Variants in XIRP1 observed in about 807,000 individuals in gnomAD.
The protein encoded by XIRP1 is xin actin binding repeat containing 1, also known as xin actin-binding repeat-containing protein 1.
For synonymous variants in XIRP1, 984 were observed against 947.0 expected (o/e 1.04, Z -0.72); for missense variants, 2,378 against 2,345.4 (o/e 1.01, Z -0.29).
Position 39,185,036 on chromosome 3 carries a change from C to T in XIRP1, c.4410G>A (p.Glu1470=), listed in dbSNP as rs1468571860. 6.6e-7 allele frequency: 1 copy of T among 1,520,866 alleles called. No homozygotes were observed. Among genetic ancestry groups the T allele is most frequent in the African/African-American group, 1.4e-5 (1 of 71,680 alleles). The allele number at this position is 1,520,866 out of a possible 1,614,324, so 94.2% of individuals were successfully genotyped here. ...GCACCTGGTTCAGGAGGCCCTGGAG[C>T]TCTTTCTGGTTTCTTTGCAGACTGT... ...SPDSLQRNQK[E]LQGLLNQVQA... The change falls in exon 2 of 2, where the codon GAG becomes GAA. Residue 1470 remains glutamate (E), a synonymous_variant. Transcript: ENST00000340369.
In XIRP1 at chr3:39,188,749, TC is replaced by T. The variant is rs2040036481; in HGVS notation, c.696del (p.Lys233SerfsTer34). ...QELKGDVKKT[V>X]KLFQTEPLCA... ...CACAGGGGCTCCGTTTGGAAGAGCT[TC>T]ACTGTCTTTTTCACATCACCCTTCA... On this transcript the variant is annotated frameshift_variant, in exon 2 of 2. Coordinates refer to ENST00000340369, the MANE Select transcript of XIRP1 (RefSeq NM_194293.4). LOFTEE classifies it low-confidence loss of function (END_TRUNC). 6.2e-7 allele frequency: 1 copy of T among 1,613,630 alleles called. No individual in the cohort carries two copies. The highest frequency in any genetic ancestry group is 1.3e-5 in the African/African-American group (1 of 74,938).
rs752120849 is a variant in XIRP1, at chr3:39,186,954, A to G, written c.2492T>C (p.Ile831Thr). 6.2e-6 allele frequency: 10 copies of G among 1,612,348 alleles called. No homozygotes were observed. Among genetic ancestry groups the G allele is most frequent in the Non-Finnish European group, 6.8e-6 (8 of 1,178,530 alleles). ...ELVSGELPRI[I>T]CQVLRRPDVD... ...ATCTGGCCGGCGCAGGACTTGGCAG[A>G]TGATCCTGGGAAGTTCACCTGACAC... Residue 831 changes from isoleucine to threonine, a missense_variant, in exon 2 of 2, where the codon ATC becomes ACC. By Grantham distance (89) the Ile-to-Thr change is moderately conservative. Coordinates refer to ENST00000340369, the MANE Select transcript of XIRP1 (RefSeq NM_194293.4).
Position 39,184,058 on chromosome 3 carries a change from G to C in XIRP1, c.5388C>G (p.Pro1796=), listed in dbSNP as rs36091974. The change falls in exon 2 of 2, where the codon CCC becomes CCG. Residue 1796 remains proline (P), a synonymous_variant. Coordinates refer to ENST00000340369, the MANE Select transcript of XIRP1 (RefSeq NM_194293.4). ...GCCCGAGGTGGGAGCCTGGGTTCCT[G>C]GGTGGCTCTGCCTGCTCGGTGACTG... ...STTVTEQAEP[P]RNPGSHLGLH... 7,077 of 1,610,722 alleles carry C rather than the reference G, an allele frequency of 4.4e-3. 270 individuals carry two copies. The African/African-American group carries it at 0.081, about 18-fold the overall frequency.
chr3:39,189,920 G>C (rs1487453090), intron 1 of XIRP1, among the ~76,000 whole-genome samples: 1 of 152,190 alleles, frequency 6.6e-6, no homozygotes, highest in Non-Finnish European at 1.5e-5. Flanking sequence ...GCCTTGGAGA[G>C]GCAGGTCTCT....
chr3:39,184,335 T>C lies in XIRP1; in HGVS notation c.5111A>G (p.Asp1704Gly), dbSNP rs375889395. 17 of 1,614,082 alleles carry C rather than the reference T, an allele frequency of 1.1e-5. No individual in the cohort carries two copies. Among genetic ancestry groups the C allele is most frequent in the Non-Finnish European group, 1.4e-5 (17 of 1,180,034 alleles). ...VSVKSTQLAQ[D>G]IGQALLHQKG... is the part of the protein sequence containing the mutation. ...CTGGTGGAGCAGGGCCTGGCCTATG[T>C]CCTGAGCCAGTTGTGTGCTTTTCAC... Residue 1704 changes from aspartate to glycine, a missense_variant, in exon 2 of 2, where the codon GAC becomes GGC. Coordinates refer to ENST00000340369, the MANE Select transcript of XIRP1 (RefSeq NM_194293.4).
At chr3:39,190,218 T>C (rs1455660900) in intron 1 of XIRP1, among the ~76,000 whole-genome samples, 1 of 152,196 alleles carries the variant, frequency 6.6e-6, no homozygotes, top group Admixed American at 6.5e-5. Context: ...AGACTGAGAA[T>C]GTCTGAGCTA....
At chr3:39,190,619 C>A (rs1422427724) in intron 1 of XIRP1, among the ~76,000 whole-genome samples, 1 of 152,044 alleles carries the variant, frequency 6.6e-6, no homozygotes, top group African/African-American at 2.4e-5. Context: ...CTCATGGCCA[C>A]CCCAGCTCAG....
chr3:39,188,543 C>G lies in XIRP1; in HGVS notation c.903G>C (p.Arg301=). The G allele has an allele frequency of 6.2e-7, 1 of 1,611,416 alleles. No individual in the cohort carries two copies. The highest frequency in any genetic ancestry group is 8.5e-7 in the Non-Finnish European group (1 of 1,177,832). The part of the protein sequence containing the change: ...IRGISLEEGA[R]PDVSATRWIF... ...TCCAGCGAGTTGCACTGACGTCGGGCCGGGCCCCCTCCTCCAGGGAAATCC... is the reference window on the plus strand; with the variant it reads ...TCCAGCGAGTTGCACTGACGTCGGGGCGGGCCCCCTCCTCCAGGGAAATCC... Residue 301 remains arginine (R), a synonymous_variant, in exon 2 of 2, where the codon CGG becomes CGC. Coordinates refer to ENST00000340369, the MANE Select transcript of XIRP1 (RefSeq NM_194293.4).
chr3:39,188,810 C>G lies in XIRP1; in HGVS notation c.636G>C (p.Gln212His), dbSNP rs1182624691. 1 of 1,613,472 alleles carries G rather than the reference C, an allele frequency of 6.2e-7. No individual in the cohort carries two copies. The highest frequency in any genetic ancestry group is 8.5e-7 in the Non-Finnish European group (1 of 1,180,042). Residue 212 changes from glutamine to histidine, a missense_variant, in exon 2 of 2, where the codon CAG becomes CAC. Physicochemically the swap from Gln to His is conservative, Grantham distance 24 (BLOSUM62 0). Coordinates refer to ENST00000340369, the MANE Select transcript of XIRP1 (RefSeq NM_194293.4). ...RLGSRPSLQE[Q>H]SPLELRSEIQ... ...TCTCTGAGCGCAGTTCCAAGGGGCT[C>G]TGCTCCTGCAGGGAGGGGCGGGAGC...
rs1253413601 is a variant in XIRP1, at chr3:39,188,488, G to A, written c.958C>T (p.Arg320Trp). 8.1e-6 allele frequency: 13 copies of A among 1,603,302 alleles called. No homozygotes were observed. The highest frequency in any genetic ancestry group is 3.4e-5 in the Admixed American group (2 of 59,652). The change falls in exon 2 of 2, where the codon CGG (arginine) becomes TGG (tryptophan). Residue 320 changes from arginine (R) to tryptophan (W), a missense_variant. Physicochemically the swap from Arg to Trp is moderately radical, Grantham distance 101. Coordinates refer to ENST00000340369, the MANE Select transcript of XIRP1 (RefSeq NM_194293.4). Reference sequence around the variant, plus strand: ...TCCTTCTCATCTACCAAGATCTCCCGGATGGCATCCAGGGGCTGTGTCTCA... The same window carrying A: ...TCCTTCTCATCTACCAAGATCTCCCAGATGGCATCCAGGGGCTGTGTCTCA... ...IFETQPLDAIREILVDEKDFQ... is the reference protein window; with the variant it reads ...IFETQPLDAIWEILVDEKDFQ...
rs1345001486 is a variant in XIRP1, at chr3:39,188,390, T to G, written c.1056A>C (p.Arg352=). 1 of 1,612,942 alleles carries G rather than the reference T, an allele frequency of 6.2e-7. No individual in the cohort carries two copies. Among genetic ancestry groups the G allele is most frequent in the Non-Finnish European group, 8.5e-7 (1 of 1,179,106 alleles). The change falls in exon 2 of 2, where the codon CGA becomes CGC. Residue 352 remains arginine, a synonymous_variant. Transcript: ENST00000340369. Reference sequence around the variant, plus strand: ...CGTCCCCCTTCAGAGTGTCCAGCGCTCGGGTCTCAAACAGATGCTGCTGCT... The same window carrying G: ...CGTCCCCCTTCAGAGTGTCCAGCGCGCGGGTCTCAAACAGATGCTGCTGCT... The part of the protein sequence containing the change: ...VQQQQHLFET[R]ALDTLKGDEE...
rs1468903268 is a variant in XIRP1 at position 39,186,839 on chromosome 3, C to G, written c.2607G>C (p.Gly869=). 1 of 1,613,678 alleles carries G rather than the reference C, an allele frequency of 6.2e-7. No homozygotes were observed. Among genetic ancestry groups the G allele is most frequent in the East Asian group, 2.2e-5 (1 of 44,856 alleles). Residue 869 remains glycine, a synonymous_variant, in exon 2 of 2, where the codon GGG becomes GGC. Coordinates refer to ENST00000340369, the MANE Select transcript of XIRP1 (RefSeq NM_194293.4). ...GCTCAGGGTCCATGTCTTCAATATT[C>G]CCACTGCTGCCTGGAGTTGGCAGCC... ...PLRLPTPGSS[G]NIEDMDPELQ...
rs2039937753 is a variant in XIRP1 at position 39,184,996 on chromosome 3, CCTT to C, written c.4447_4449del (p.Lys1483del). 1 of 1,521,678 alleles carries C rather than the reference CCTT, an allele frequency of 6.6e-7. No individual in the cohort carries two copies. Among genetic ancestry groups the C allele is most frequent in the Non-Finnish European group, 8.8e-7 (1 of 1,137,614 alleles). 94.3% of individuals were successfully genotyped at this position (1,521,678 alleles called of 1,614,324 possible). ...TGCACGTCCACACTGCTTGCGGCCT[CCTT>C]CTCCAGGGCTTGCACCTGGTTCAGG... On this transcript the variant is annotated inframe_deletion, in exon 2 of 2. Transcript: ENST00000340369.
intron 1 of XIRP1, among the ~76,000 whole-genome samples, chr3:39,189,804 G>A (rs2040063116): frequency 6.6e-6 from 1 of 152,178 alleles, no homozygotes; most frequent in African/African-American, 2.4e-5. Flanking sequence ...CCTCCAGTGG[G>A]CAAACTGGAC....
At chr3:39,192,420 G>T (rs777413032) in intron 1 of XIRP1, 26 bp downstream of exon 1, 4 of 152,372 alleles carry the variant, frequency 2.6e-5, no homozygotes, top group Non-Finnish European at 5.9e-5. Context: ...CCTTGCTGTG[G>T]AAGGATGGAG....
In XIRP1 at chr3:39,184,148, T is replaced by A. The variant is rs1401877901; in HGVS notation, c.5298A>T (p.Arg1766Ser). Residue 1766 changes from arginine to serine, a missense_variant, in exon 2 of 2, where the codon AGA (arginine) becomes AGT (serine). Transcript: ENST00000340369. ...CCTCCTCATACTGTTCAGTCACGGT[T>A]CTCATGGCTCCATAGTGTTGTGAGC... ...PGSSQHYGAM[R>S]TVTEQYEEVD... 1.2e-6 allele frequency: 2 copies of A among 1,612,980 alleles called. No homozygotes were observed. Among genetic ancestry groups the A allele is most frequent in the Non-Finnish European group, 1.7e-6 (2 of 1,179,312 alleles).
Position 39,186,544 on chromosome 3 carries a change from C to T in XIRP1, c.2902G>A (p.Glu968Lys), listed in dbSNP as rs1287923631. 1.2e-6 allele frequency: 2 copies of T among 1,612,356 alleles called. No individual in the cohort carries two copies. Among genetic ancestry groups the T allele is most frequent in the East Asian group, 2.2e-5 (1 of 44,840 alleles). ...AGTGGGGGAACATGGATGATGCTCT[C>T]AGTTGGGTGCAGGCTCTGGGCCCCC... is the stretch of plus-strand genomic sequence containing the variant. ...SEGAQSLHPT[E>K]SIIHVPPLDP... is the part of the protein sequence containing the mutation. The change falls in exon 2 of 2, where the codon GAG (glutamate) becomes AAG (lysine). Residue 968 changes from glutamate to lysine, a missense_variant. Physicochemically the swap from Glu to Lys is moderately conservative, Grantham distance 56 (BLOSUM62 1). Transcript: ENST00000340369.
At position 39,184,353 on chromosome 3, in the gene XIRP1, C is replaced by G. The variant is rs1253432507; in HGVS notation, c.5093G>C (p.Ser1698Thr). The G allele has an allele frequency of 6.2e-7, 1 of 1,614,136 alleles. No homozygotes were observed. Residue 1698 changes from serine (S) to threonine (T), a missense_variant, in exon 2 of 2, where the codon AGC (serine) becomes ACC (threonine). Physicochemically the swap from Ser to Thr is moderately conservative, Grantham distance 58. Transcript: ENST00000340369. The stretch of plus-strand genomic sequence containing the variant: ...GCCTATGTCCTGAGCCAGTTGTGTG[C>G]TTTTCACTGAGACATCAGGGTTGCC... ...FKGNPDVSVK[S>T]TQLAQDIGQA...
In XIRP1 at chr3:39,188,774, C is replaced by T; in HGVS notation, c.672G>A (p.Leu224=). 4 of 1,613,688 alleles carry T rather than the reference C, an allele frequency of 2.5e-6. No individual in the cohort carries two copies. Among genetic ancestry groups the T allele is most frequent in the Non-Finnish European group, 3.4e-6 (4 of 1,180,048 alleles). The part of the protein sequence containing the change: ...PLELRSEIQE[L]KGDVKKTVKL... ...TCACTGTCTTTTTCACATCACCCTT[C>T]AGCTCCTGGATCTCTGAGCGCAGTT... The change falls in exon 2 of 2, where the codon CTG becomes CTA. Residue 224 remains leucine (L), a synonymous_variant. Transcript: ENST00000340369.
Sources: allele counts gnomAD v4.1 joint callset (sites outside exome capture counted in the v4.1 genomes callset), GRCh38; gene constraint gnomAD v4.1.1; transcripts MANE v1.5; gene names NCBI Gene and HGNC (gene_info 2026-07-23, HGNC 2026-07-21).